FBXO4: variants seen among roughly 807,000 people sequenced by gnomAD.
The protein encoded by FBXO4 is F-box protein 4, also known as F-box only protein 4.
A neutral mutation model predicts 43.7 loss-of-function variants in FBXO4; 36 were observed. That is an observed-to-expected ratio of 0.82 (90% CI 0.63 to 1.09). The LOEUF (loss-of-function observed/expected upper bound fraction) is 1.09. Among genes scored for constraint, FBXO4 ranks in the 50% least tolerant of loss-of-function variants. The pLI is 0.00. For synonymous variants in FBXO4, 180 were observed against 165.6 expected, an observed-to-expected ratio of 1.09 and a Z score of -0.67; for missense variants, 435 against 474.1, an observed-to-expected ratio of 0.92 and a Z score of 0.77.
the FBXO4 span, among the ~76,000 whole-genome samples, chr5:41,953,907 A>G: frequency 6.6e-6 from 1 of 152,202 alleles, no homozygotes; most frequent in Non-Finnish European, 1.5e-5. Flanking sequence ...GCCCTTTGTC[A>G]GATGAGTAGG....
chr5:41,935,017 CA>C, intron 5 of FBXO4: 1 of 984,958 alleles, frequency 1.0e-6, no homozygotes, highest in East Asian at 1.1e-4. Context: ...ATCTGTTAGG[CA>C]TGAAAGCAGT....
At chr5:41,986,430 A>G in the FBXO4 span, among the ~76,000 whole-genome samples, 1 of 152,278 alleles carries the variant, frequency 6.6e-6, no homozygotes, top group East Asian at 1.9e-4. Context: ...AGATATAAAA[A>G]CAAAGAAGGA....
chr5:41,973,495 G>A, the FBXO4 span, among the ~76,000 whole-genome samples: 1 of 152,112 alleles, frequency 6.6e-6, no homozygotes, highest in African/African-American at 2.4e-5. Flanking sequence ...TGGGCAACAT[G>A]GTGAGATCCT....
chr5:41,992,867 T>C, the FBXO4 span, among the ~76,000 whole-genome samples: 1 of 152,220 alleles, frequency 6.6e-6, no homozygotes, highest in African/African-American at 2.4e-5. Flanking sequence ...TTTGAAGACT[T>C]CTAGTTATAG....
the FBXO4 span, chr5:41,967,238 T>G: frequency 2.0e-6 from 1 of 492,718 alleles, no homozygotes; most frequent in Non-Finnish European, 4.1e-6. Flanking sequence ...TCATTAGCAT[T>G]GCCACTGTCA....
At chr5:41,977,115 C>A in the FBXO4 span, among the ~76,000 whole-genome samples, 1 of 152,020 alleles carries the variant, frequency 6.6e-6, no homozygotes, top group Non-Finnish European at 1.5e-5. Context: ...ATCTGGCCCC[C>A]CAAACCATTC....
chr5:41,938,582 T>G (rs1160910104), intron 5 of FBXO4, among the ~76,000 whole-genome samples: 1 of 152,234 alleles, frequency 6.6e-6, no homozygotes, highest in Non-Finnish European at 1.5e-5. Flanking sequence ...TTAAAACAAC[T>G]ATTTTTTTAG....
chr5:41,929,676 A>G, intron 2 of FBXO4, 21 bp from the exon 3 acceptor site: 1 of 1,550,844 alleles, frequency 6.4e-7, no homozygotes, highest in Non-Finnish European at 8.7e-7. Context: ...TTAATGTTCT[A>G]ATTGTGACAA....
chr5:42,031,925 A>G, the FBXO4 span, among the ~76,000 whole-genome samples: 1 of 152,200 alleles, frequency 6.6e-6, no homozygotes, highest in South Asian at 2.1e-4. Context: ...TGGTTCTTGC[A>G]GACTTGTAGA....
the FBXO4 span, among the ~76,000 whole-genome samples, chr5:41,984,541 G>C: frequency 2.0e-5 from 3 of 152,290 alleles, no homozygotes; most frequent in Admixed American, 6.5e-5. Context: ...CTTTCTTTCT[G>C]AGGAGGTGTC....
the FBXO4 span, among the ~76,000 whole-genome samples, chr5:41,951,124 A>T: frequency 2.0e-5 from 3 of 152,192 alleles, no homozygotes; most frequent in Non-Finnish European, 4.4e-5. Context: ...TGACTGGTTG[A>T]CGGGTGCAGC....
chr5:41,942,112 G>A (rs1441620563), downstream of FBXO4, among the ~76,000 whole-genome samples: 1 of 151,848 alleles, frequency 6.6e-6, no homozygotes, highest in East Asian at 1.9e-4. Flanking sequence ...TTCTGTTTTG[G>A]ACAGAAAGTT....
chr5:42,020,081 G>A, the FBXO4 span, among the ~76,000 whole-genome samples: 19,171 of 152,026 alleles, frequency 0.13, 1,695 homozygotes, highest in African/African-American at 0.25. Context: ...AAAATTGTGG[G>A]ATTAGGAAAT....
chr5:42,003,091 C>T, the FBXO4 span, among the ~76,000 whole-genome samples: 58,289 of 152,012 alleles, frequency 0.38, 13,838 homozygotes, highest in African/African-American at 0.67. Flanking sequence ...ACCCATTTTA[C>T]CCTCAGAACG....
chr5:41,944,681 C>A (rs7720706), downstream of FBXO4, among the ~76,000 whole-genome samples: 2 of 152,114 alleles, frequency 1.3e-5, no homozygotes, highest in African/African-American at 4.8e-5. Flanking sequence ...ATTTTTAGTG[C>A]GTTCCCACTA....
the FBXO4 span, among the ~76,000 whole-genome samples, chr5:42,001,549 T>G: frequency 2.6e-5 from 4 of 152,250 alleles, no homozygotes; most frequent in Non-Finnish European, 5.9e-5. Context: ...TTCATTTATG[T>G]CTGTCTTATT....
chr5:41,966,604 T>C, the FBXO4 span, among the ~76,000 whole-genome samples: 103 of 152,324 alleles, frequency 6.8e-4, no homozygotes, highest in Non-Finnish European at 1.3e-3. Flanking sequence ...ATGTAGTTTT[T>C]ATTTTTTTCC....
At position 41,934,140 on chromosome 5, in the gene FBXO4, A is replaced by G; in HGVS notation, c.730A>G (p.Arg244Gly). 1 of 1,614,010 alleles carries G rather than the reference A, an allele frequency of 6.2e-7. No homozygotes were observed. The change falls in exon 5 of 7, where the codon AGA (arginine) becomes GGA (glycine). Residue 244 changes from arginine (R) to glycine (G), a missense_variant. By Grantham distance (125) the Arg-to-Gly change is moderately radical. Coordinates refer to ENST00000281623, the MANE Select transcript of FBXO4 (RefSeq NM_012176.3). The stretch of plus-strand genomic sequence containing the variant: ...TTACAATTTTTTTTCTAGAAAGGAA[A>G]GAGATAGAGCAAGGGAAGAGCATAC... The part of the protein sequence containing the change: ...LILYSTTRKE[R>G]DRAREEHTSA...
At chr5:42,035,503 C>A in the FBXO4 span, among the ~76,000 whole-genome samples, 1 of 152,080 alleles carries the variant, frequency 6.6e-6, no homozygotes, top group Admixed American at 6.6e-5. Context: ...GTTGCAGGTA[C>A]AAGCTTTCTA....
Sources: allele counts gnomAD v4.1 joint callset (sites outside exome capture counted in the v4.1 genomes callset), GRCh38; gene constraint gnomAD v4.1.1; transcripts MANE v1.5; gene names NCBI Gene and HGNC (gene_info 2026-07-23, HGNC 2026-07-21).